The following ZMYND11 variants were observed in gnomAD, a reference collection of about 807,000 sequenced individuals.
The protein encoded by ZMYND11 is zinc finger MYND-type containing 11.
ZMYND11 carries 9 observed loss-of-function variants against 84.9 expected under a neutral mutation model. The ratio of observed to expected loss-of-function variants is 0.11; its 90% CI spans 0.06 to 0.18. The LOEUF (loss-of-function observed/expected upper bound fraction) is 0.18, where lower values mean the gene tolerates loss of function less well. ZMYND11 is among the 10% of genes least tolerant of loss of function. The pLI is 1.00. For synonymous variants in ZMYND11, 250 were observed against 244.1 expected, an observed-to-expected ratio of 1.02 and a Z score of -0.23; for missense variants, 409 against 761.0, an observed-to-expected ratio of 0.54 and a Z score of 5.44.
intron 1 of ZMYND11, among the ~76,000 whole-genome samples, chr10:166,302 G>A (rs569398759): frequency 9.9e-5 from 15 of 152,168 alleles, no homozygotes; most frequent in Middle Eastern, 3.4e-3. Flanking sequence ...TTAAGAAAGC[G>A]TAAAGACGGT....
intron 7 of ZMYND11, 32 bp from the exon 8 acceptor site, chr10:240,024 T>G: frequency 6.3e-7 from 1 of 1,581,834 alleles, no homozygotes; most frequent in South Asian, 1.2e-5. Flanking sequence ...TGCAGACTAT[T>G]GCTTATAGGT....
intron 1 of ZMYND11, among the ~76,000 whole-genome samples, chr10:142,910 A>C (rs1408617988): frequency 1.3e-5 from 2 of 152,228 alleles, no homozygotes; most frequent in African/African-American, 4.8e-5. Flanking sequence ...ATGGTAGCTC[A>C]CATTAGGAAG....
chr10:157,100 G>A (rs1841887263), intron 1 of ZMYND11, among the ~76,000 whole-genome samples: 1 of 152,102 alleles, frequency 6.6e-6, no homozygotes, highest in Non-Finnish European at 1.5e-5. Context: ...GGCAATTTCA[G>A]GAAAATAATT....
intron 10 of ZMYND11, 138 bp downstream of exon 10, chr10:242,277 G>GTGTTTTTTTTT: frequency 7.6e-7 from 1 of 1,315,192 alleles, no homozygotes; most frequent in East Asian, 2.4e-5. Context: ...CCAAGAATAC[G>GTGTTTTTTTTT]TTCCAAGATA....
chr10:236,932 G>A lies in ZMYND11; in HGVS notation c.516+17G>A. 6.2e-7 allele frequency: 1 copy of A among 1,602,402 alleles called. No homozygotes were observed. The highest frequency in any genetic ancestry group is 8.5e-7 in the Non-Finnish European group (1 of 1,175,028). ...AAGGAGAGGGTGAGTCCTGCTCAGG[G>A]AATCTTTCAAAATATCCCAAAACAC... On this transcript the variant is annotated intron_variant, in intron 5 of 14. Transcript: ENST00000381604.
chr10:227,889 A>G (rs1283663537), intron 4 of ZMYND11, among the ~76,000 whole-genome samples: 7 of 152,202 alleles, frequency 4.6e-5, no homozygotes, highest in African/African-American at 7.2e-5. Context: ...TGATTTTTAA[A>G]TAAGTAGAGA....
chr10:203,465 GC>G (rs1160520390), intron 2 of ZMYND11, among the ~76,000 whole-genome samples: 1 of 151,988 alleles, frequency 6.6e-6, no homozygotes, highest in African/African-American at 2.4e-5. Flanking sequence ...AAATAAATGA[GC>G]ATATGTACCA....
At chr10:195,113 T>A (rs772001312) in intron 2 of ZMYND11, among the ~76,000 whole-genome samples, 17 of 152,216 alleles carry the variant, frequency 1.1e-4, no homozygotes, top group Admixed American at 1.3e-4. Context: ...TGAACTGCAA[T>A]ACTGGAATAC....
At position 240,094 on chromosome 10, in the gene ZMYND11, A is replaced by G; in HGVS notation, c.736A>G (p.Lys246Glu). The G allele has an allele frequency of 6.2e-7, 1 of 1,611,740 alleles. No homozygotes were observed. Among genetic ancestry groups the G allele is most frequent in the Middle Eastern group, 1.7e-4 (1 of 6,054 alleles). ...EQADIARMLY[K>E]DTCHELDELQ... ...AGCTGACATTGCGAGGATGCTATAT[A>G]AAGACACATGTCATGAGGTACTATT... Residue 246 changes from lysine to glutamate, a missense_variant, in exon 8 of 15, where the codon AAA (lysine) becomes GAA (glutamate). By Grantham distance (56) the Lys-to-Glu change is moderately conservative (BLOSUM62 1). Transcript: ENST00000381604.
chr10:142,900 A>G (rs973602140), intron 1 of ZMYND11, among the ~76,000 whole-genome samples: 1 of 152,220 alleles, frequency 6.6e-6, no homozygotes, highest in South Asian at 2.1e-4. Flanking sequence ...TGCTGTCACT[A>G]TGGTAGCTCA....
At chr10:239,959 A>C in intron 7 of ZMYND11, 97 bp from the exon 8 acceptor site, 1 of 989,722 alleles carries the variant, frequency 1.0e-6, no homozygotes, top group Non-Finnish European at 1.5e-6. Flanking sequence ...TTGAAATGGT[A>C]GATGTCTACT....
chr10:206,136 G>A (rs1322978746), intron 2 of ZMYND11, among the ~76,000 whole-genome samples: 1 of 152,048 alleles, frequency 6.6e-6, no homozygotes, highest in African/African-American at 2.4e-5. Context: ...GAGGCGGGTG[G>A]ATCACCTGAG....
At chr10:179,396 C>G (rs769087354) in intron 1 of ZMYND11, among the ~76,000 whole-genome samples, 7 of 152,168 alleles carry the variant, frequency 4.6e-5, no homozygotes, top group African/African-American at 7.2e-5. Flanking sequence ...ACCCCCAAAA[C>G]TTACACCTAA....
intron 1 of ZMYND11, among the ~76,000 whole-genome samples, chr10:149,641 G>A (rs564259304): frequency 1.1e-4 from 16 of 152,108 alleles, no homozygotes; most frequent in Non-Finnish European, 1.8e-4. Context: ...CTTAATACAT[G>A]TACTGTTAAT....
At chr10:139,623 T>C (rs1325296783) in intron 1 of ZMYND11, among the ~76,000 whole-genome samples, 1 of 151,978 alleles carries the variant, frequency 6.6e-6, no homozygotes, top group African/African-American at 2.4e-5. Context: ...TAATATATCA[T>C]GTATTGTCTG....
chr10:240,831 TTATA>T, intron 8 of ZMYND11, 58 bp from the exon 9 acceptor site: 1 of 1,178,632 alleles, frequency 8.5e-7, no homozygotes, highest in South Asian at 1.3e-5. Context: ...TGGATACATT[TTATA>T]TAGTTTAATG....
rs1953925834 is a variant in ZMYND11, at chr10:253,789, A to G, written c.*1319A>G. 6.6e-6 allele frequency: 1 copy of G among 152,642 alleles called. No individual in the cohort carries two copies. The highest frequency in any genetic ancestry group is 2.4e-5 in the African/African-American group (1 of 41,450). The allele number at this position is 152,642 out of a possible 1,614,324, so 9.5% of individuals were successfully genotyped here. ...GTACATATTTATTTAGACCTTTGAT[A>G]TTTATTAAAGCAATTACTCACAATG... On this transcript the variant is annotated 3_prime_UTR_variant, in exon 15 of 15. Transcript: ENST00000381604.
intron 4 of ZMYND11, among the ~76,000 whole-genome samples, chr10:224,775 G>A (rs1338534555): frequency 6.6e-6 from 1 of 152,134 alleles, no homozygotes; most frequent in Non-Finnish European, 1.5e-5. Context: ...AGGGCATGCT[G>A]TAACTTATGT....
At chr10:226,906 A>G (rs773578296) in intron 4 of ZMYND11, among the ~76,000 whole-genome samples, 15 of 152,230 alleles carry the variant, frequency 9.9e-5, no homozygotes, top group Non-Finnish European at 1.8e-4. Context: ...TCAAGGTAAT[A>G]CAGAGGTGAC....
Sources: gnomAD v4.1 joint callset for allele counts (sites outside exome capture counted in the v4.1 genomes callset) on GRCh38, gnomAD v4.1.1 for gene constraint, MANE v1.5 for transcripts, NCBI Gene and HGNC (gene_info 2026-07-23, HGNC 2026-07-21) for gene names.